The following CNTN5 variants were observed in gnomAD, a reference collection of about 807,000 sequenced individuals.
CNTN5 encodes the protein contactin-5.
CNTN5 carries 77 observed loss-of-function variants against 129.1 expected under a neutral mutation model. The ratio of observed to expected loss-of-function variants is 0.60; its 90% confidence interval spans 0.50 to 0.72. The LOEUF is 0.72. CNTN5 is among the 30% of genes least tolerant of loss of function. The pLI, the probability that CNTN5 is intolerant of heterozygous loss-of-function variation, is 0.00. For missense variants in CNTN5, 1,478 were observed against 1,328.8 expected, an observed-to-expected ratio of 1.11 and a Z score of -1.75; for synonymous variants, 509 against 465.6, an observed-to-expected ratio of 1.09 and a Z score of -1.20.
intron 13 of CNTN5, among the ~76,000 whole-genome samples, chr11:100,168,211 G>A (rs527323450): frequency 4.3e-4 from 65 of 152,066 alleles, no homozygotes; most frequent in African/African-American, 1.6e-3. Context: ...GCTGCAGCAA[G>A]TTACCCAGAA....
At chr11:99,715,410 G>C (rs528434484) in intron 3 of CNTN5, among the ~76,000 whole-genome samples, 1 of 151,658 alleles carries the variant, frequency 6.6e-6, no homozygotes, top group Non-Finnish European at 1.5e-5. Flanking sequence ...TAGGCAACTT[G>C]AGACCACCAA....
chr11:99,571,180 G>A (rs552312693), intron 3 of CNTN5, among the ~76,000 whole-genome samples: 2 of 152,288 alleles, frequency 1.3e-5, no homozygotes, highest in Non-Finnish European at 2.9e-5. Flanking sequence ...GCCTGGACAT[G>A]TGTAGGATGC....
At chr11:99,312,073 G>T (rs1009122487) in intron 1 of CNTN5, among the ~76,000 whole-genome samples, 6 of 152,106 alleles carry the variant, frequency 3.9e-5, no homozygotes, top group Non-Finnish European at 7.4e-5. Flanking sequence ...TTGTGACTGG[G>T]TTGCATCACG....
At chr11:99,717,686 CA>C (rs1013390480) in intron 3 of CNTN5, among the ~76,000 whole-genome samples, 1 of 151,794 alleles carries the variant, frequency 6.6e-6, no homozygotes, top group African/African-American at 2.4e-5. Flanking sequence ...TAATCTGTTT[CA>C]AAAAATGAAT....
At chr11:100,352,396 C>A (rs907412438) in intron 24 of CNTN5, among the ~76,000 whole-genome samples, 1 of 151,494 alleles carries the variant, frequency 6.6e-6, no homozygotes, top group Non-Finnish European at 1.5e-5. Context: ...TTTTTAAAAG[C>A]CTTATTTTTA....
At chr11:99,297,555 T>C (rs1864445749) in intron 1 of CNTN5, among the ~76,000 whole-genome samples, 1 of 152,210 alleles carries the variant, frequency 6.6e-6, no homozygotes, top group South Asian at 2.1e-4. Flanking sequence ...AATGGATTGT[T>C]GTTCACTTGG....
At chr11:99,984,782 G>A (rs1938568443) in intron 8 of CNTN5, among the ~76,000 whole-genome samples, 1 of 152,182 alleles carries the variant, frequency 6.6e-6, no homozygotes, top group Non-Finnish European at 1.5e-5. Context: ...TAAATGGGAA[G>A]AATTTGAGGC....
intron 16 of CNTN5, among the ~76,000 whole-genome samples, chr11:100,233,334 C>T (rs189932088): frequency 3.6e-4 from 55 of 152,142 alleles, no homozygotes; most frequent in Admixed American, 9.2e-4. Context: ...AAGAGAATGG[C>T]GTGACAAACT....
chr11:99,750,594 A>G (rs1944199285), intron 3 of CNTN5, among the ~76,000 whole-genome samples: 2 of 152,144 alleles, frequency 1.3e-5, no homozygotes, highest in African/African-American at 2.4e-5. Flanking sequence ...GGAAAAAAAA[A>G]AGATAATAAA....
At chr11:100,224,910 A>T in intron 16 of CNTN5, 98 bp downstream of exon 16, 1 of 1,143,234 alleles carries the variant, frequency 8.7e-7, no homozygotes, top group Non-Finnish European at 1.2e-6. Context: ...AGTACTGTGC[A>T]TTTTACTTTC....
intron 13 of CNTN5, among the ~76,000 whole-genome samples, chr11:100,168,491 A>G (rs1262267813): frequency 1.3e-5 from 2 of 151,998 alleles, no homozygotes; most frequent in African/African-American, 4.8e-5. Flanking sequence ...TATAAATGAT[A>G]CAACAAAGAC....
At chr11:99,268,972 C>A (rs952850433) in intron 1 of CNTN5, among the ~76,000 whole-genome samples, 1 of 151,964 alleles carries the variant, frequency 6.6e-6, no homozygotes, top group Non-Finnish European at 1.5e-5. Context: ...TTGATGTAAG[C>A]ATTTGACCTG....
intron 3 of CNTN5, among the ~76,000 whole-genome samples, chr11:99,730,177 G>T (rs1268655214): frequency 6.6e-6 from 1 of 152,154 alleles, no homozygotes; most frequent in Non-Finnish European, 1.5e-5. Flanking sequence ...TAATTAAACA[G>T]AATTAAATAT....
chr11:99,269,857 G>A (rs1591448417), intron 1 of CNTN5, among the ~76,000 whole-genome samples: 1 of 151,844 alleles, frequency 6.6e-6, no homozygotes, highest in South Asian at 2.1e-4. Flanking sequence ...ATTTTCATAA[G>A]TGACTGTTTT....
intron 2 of CNTN5, among the ~76,000 whole-genome samples, chr11:99,387,845 G>T (rs540431665): frequency 6.6e-6 from 1 of 152,212 alleles, no homozygotes; most frequent in Admixed American, 6.5e-5. Flanking sequence ...GTAGTGAGTT[G>T]TTTTTAACCT....
rs574771647 is a variant in CNTN5 at position 99,577,536 on chromosome 11, T to A, written c.55+21267T>A. Among the ~76,000 whole-genome samples the A allele has an allele frequency of 2.6e-5, 4 of 152,314 alleles. No individual in the cohort carries two copies. The South Asian group carries it at 8.3e-4, about 32-fold the overall frequency. On this transcript the variant is annotated intron_variant, in intron 3 of 24. Transcript: ENST00000524871. The stretch of plus-strand genomic sequence containing the variant: ...AATTTGCTGTAACTTATGCTAATAT[T>A]GTAGTTTGCTGTAGGATGTCATGAT...
chr11:99,914,480 C>T (rs145388442), intron 6 of CNTN5, among the ~76,000 whole-genome samples: 8 of 152,042 alleles, frequency 5.3e-5, no homozygotes, highest in African/African-American at 1.9e-4. Context: ...ATATGAAATT[C>T]AAAAAGAGAC....
intron 13 of CNTN5, among the ~76,000 whole-genome samples, chr11:100,139,779 A>T (rs559913458): frequency 2.0e-5 from 3 of 152,030 alleles, no homozygotes; most frequent in African/African-American, 7.2e-5. Context: ...CAGGAGAATC[A>T]CTTGAACCTG....
intron 2 of CNTN5, among the ~76,000 whole-genome samples, chr11:99,423,816 G>A (rs1942999464): frequency 6.7e-6 from 1 of 150,094 alleles, no homozygotes; most frequent in Admixed American, 6.6e-5. Context: ...AAGGAGCTGA[G>A]AGAGAGGCAG....
Sources: allele counts gnomAD v4.1 joint callset (sites outside exome capture counted in the v4.1 genomes callset), GRCh38; gene constraint gnomAD v4.1.1; transcripts MANE v1.5; gene names NCBI Gene and HGNC (gene_info 2026-07-23, HGNC 2026-07-21).